The following SLC2A9 variants were observed in gnomAD, a reference collection of about 807,000 sequenced individuals.
SLC2A9 encodes the protein solute carrier family 2 member 9.
A neutral mutation model predicts 50.6 loss-of-function variants in SLC2A9; 39 were observed. The observed-to-expected ratio is 0.77, with a 90% CI of 0.60 to 1.01. SLC2A9 has a LOEUF of 1.01. Ranked by LOEUF, SLC2A9 falls within the 50% of genes least tolerant of loss-of-function variation. The pLI, the probability that SLC2A9 is intolerant of heterozygous loss-of-function variation, is 0.00. For synonymous variants in SLC2A9, 324 were observed against 276.9 expected, an observed-to-expected ratio of 1.17 and a Z score of -1.69; for missense variants, 686 against 677.6, an observed-to-expected ratio of 1.01 and a Z score of -0.14.
At chr4:9,946,186 C>T (rs959700197) in intron 5 of SLC2A9, among the ~76,000 whole-genome samples, 3 of 152,138 alleles carry the variant, frequency 2.0e-5, no homozygotes, top group African/African-American at 4.8e-5. Flanking sequence ...ATAGTCTTGT[C>T]AGCCAAGGTG....
intron 5 of SLC2A9, among the ~76,000 whole-genome samples, chr4:9,945,639 A>ACC (rs1215267999): frequency 2.0e-5 from 3 of 152,150 alleles, no homozygotes; most frequent in Non-Finnish European, 4.4e-5. Flanking sequence ...ATACCTAGTG[A>ACC]CCAGGGAGGA....
chr4:9,812,425 G>T (rs539500068), intron 3 of SLC2A9, among the ~76,000 whole-genome samples: 1 of 151,862 alleles, frequency 6.6e-6, no homozygotes, highest in Admixed American at 6.6e-5. Context: ...ATCCTATCCT[G>T]CAGTCTTGTT....
intron 5 of SLC2A9, among the ~76,000 whole-genome samples, chr4:9,979,481 G>A (rs543571770): frequency 2.0e-5 from 3 of 152,194 alleles, no homozygotes; most frequent in Admixed American, 6.5e-5. Flanking sequence ...GCCTGTGTGA[G>A]TGGGAAGGCA....
Position 9,931,913 on chromosome 4 carries a change from A to ACTCTCTCT in SLC2A9, c.814+9992_814+9999dup, listed in dbSNP as rs1163786274. ...TGCAGGGAGACCTGAAATGAGAATGACTCTCTCTCTCTCTCTCTCTCTCTC... is the reference window on the plus strand; with the variant it reads ...TGCAGGGAGACCTGAAATGAGAATGACTCTCTCTCTCTCTCTCTCTCTCTCTCTCTCTC... On this transcript the variant is annotated intron_variant, in intron 6 of 11. Coordinates refer to ENST00000264784, the MANE Select transcript of SLC2A9 (RefSeq NM_020041.3). Among the ~76,000 whole-genome samples, 35 of 15,682 alleles carry ACTCTCTCT rather than the reference A, an allele frequency of 2.2e-3. 1 individual carries two copies. The highest frequency in any genetic ancestry group is 3.2e-3 in the Non-Finnish European group (29 of 9,054). 10.3% of individuals were successfully genotyped at this position (15,682 alleles called of 152,430 possible). A position where few individuals can be genotyped will look rare whatever the true frequency, so the allele number is the denominator to read the frequency against.
At chr4:9,883,862 T>C (rs1401475236) in intron 10 of SLC2A9, among the ~76,000 whole-genome samples, 1 of 152,198 alleles carries the variant, frequency 6.6e-6, no homozygotes, top group Non-Finnish European at 1.5e-5. Context: ...GAGAGGCTGA[T>C]GTAAAAGTGC....
At chr4:9,955,897 G>C (rs1324401978) in intron 5 of SLC2A9, among the ~76,000 whole-genome samples, 1 of 41,938 alleles carries the variant, frequency 2.4e-5, no homozygotes, top group South Asian at 8.3e-4. Context: ...TTTTTTTTGA[G>C]ATGGAGTTTC....
intron 10 of SLC2A9, among the ~76,000 whole-genome samples, chr4:9,857,248 G>C (rs1019413340): frequency 1.3e-5 from 2 of 152,172 alleles, no homozygotes; most frequent in Non-Finnish European, 2.9e-5. Context: ...CGCACCCTCA[G>C]TCTAGGTCTT....
At chr4:9,965,292 G>A (rs113530903) in intron 5 of SLC2A9, among the ~76,000 whole-genome samples, 89 of 152,324 alleles carry the variant, frequency 5.8e-4, no homozygotes, top group African/African-American at 2.0e-3. Context: ...GCCCTGCAGA[G>A]GCTGTTTTGG....
intron 3 of SLC2A9, among the ~76,000 whole-genome samples, chr4:9,814,249 T>C (rs547762571): frequency 4.0e-4 from 61 of 152,376 alleles, no homozygotes; most frequent in African/African-American, 1.4e-3. Context: ...TTGTCTTACC[T>C]ACCATTTTCT....
At chr4:9,866,181 GAT>G (rs1732432315) in intron 10 of SLC2A9, among the ~76,000 whole-genome samples, 2 of 151,924 alleles carry the variant, frequency 1.3e-5, no homozygotes, top group Non-Finnish European at 2.9e-5. Flanking sequence ...CAACAGAATG[GAT>G]ATGAACATGG....
intron 10 of SLC2A9, among the ~76,000 whole-genome samples, chr4:9,874,865 G>A (rs1439400287): frequency 1.2e-4 from 18 of 152,166 alleles, no homozygotes; most frequent in African/African-American, 3.6e-4. Flanking sequence ...AATGTGGGAC[G>A]CTGTGTCTTT....
intron 2 of SLC2A9, chr4:10,006,590 T>C (rs1042160638): frequency 6.6e-6 from 1 of 152,170 alleles, no homozygotes; most frequent in Non-Finnish European, 1.5e-5. Context: ...ATCCCAGCAG[T>C]GCTACCTAAT....
intron 10 of SLC2A9, among the ~76,000 whole-genome samples, chr4:9,845,389 T>G (rs1419420202): frequency 6.6e-6 from 1 of 151,280 alleles, no homozygotes; most frequent in Admixed American, 6.6e-5. Context: ...AATTCATATT[T>G]ATTAAAATTA....
chr4:9,898,725 C>G (rs777575355), intron 8 of SLC2A9, among the ~76,000 whole-genome samples: 15 of 152,146 alleles, frequency 9.9e-5, no homozygotes, highest in Non-Finnish European at 2.1e-4. Flanking sequence ...GCCGTGTGGA[C>G]TGATTGTGCG....
At chr4:9,849,615 AAG>A (rs915723119) in intron 10 of SLC2A9, among the ~76,000 whole-genome samples, 1 of 152,196 alleles carries the variant, frequency 6.6e-6, no homozygotes, top group African/African-American at 2.4e-5. Flanking sequence ...GATGTTTTTG[AAG>A]AGTCTCAGGA....
chr4:9,827,364 G>A (rs1297965938), intron 11 of SLC2A9, among the ~76,000 whole-genome samples: 1 of 152,170 alleles, frequency 6.6e-6, no homozygotes, highest in Non-Finnish European at 1.5e-5. Flanking sequence ...ATAGGCATGA[G>A]CCACCATTCC....
At chr4:9,853,696 A>G (rs1730313646) in intron 10 of SLC2A9, among the ~76,000 whole-genome samples, 1 of 152,202 alleles carries the variant, frequency 6.6e-6, no homozygotes, top group Non-Finnish European at 1.5e-5. Flanking sequence ...AACAGAATAG[A>G]CATTCTTCTC....
intron 4 of SLC2A9, among the ~76,000 whole-genome samples, chr4:9,982,427 T>C (rs1013612150): frequency 2.0e-5 from 3 of 152,054 alleles, no homozygotes; most frequent in African/African-American, 7.3e-5. Context: ...CTGCTTCTTT[T>C]TGAAAGCTCA....
At chr4:9,783,047 A>G in intron 3 of SLC2A9, 4 of 1,614,052 alleles carry the variant, frequency 2.5e-6, no homozygotes, top group Non-Finnish European at 3.4e-6. Context: ...CAGTGAGACC[A>G]CCTTCGACGT....
Sources: allele counts gnomAD v4.1 joint callset (sites outside exome capture counted in the v4.1 genomes callset), GRCh38; gene constraint gnomAD v4.1.1; transcripts MANE v1.5; gene names NCBI Gene and HGNC (gene_info 2026-07-23, HGNC 2026-07-21).